The following GPHN variants were observed in gnomAD, a reference collection of about 807,000 sequenced individuals.
GPHN encodes the protein gephyrin.
A neutral mutation model predicts 95.5 loss-of-function variants in GPHN; 17 were observed. That is an observed-to-expected ratio of 0.18 (90% CI 0.12 to 0.27). GPHN has a LOEUF of 0.27. GPHN is among the 10% of genes least tolerant of loss of function. The pLI, the probability that GPHN is intolerant of heterozygous loss-of-function variation, is 1.00. For synonymous variants in GPHN, 320 were observed against 322.5 expected, an observed-to-expected ratio of 0.99 and a Z score of 0.08; for missense variants, 660 against 978.1, an observed-to-expected ratio of 0.67 and a Z score of 4.34.
chr14:67,608,312 T>A, the GPHN span, among the ~76,000 whole-genome samples: 740 of 152,324 alleles, frequency 4.9e-3, 36 homozygotes, highest in East Asian at 0.082. Flanking sequence ...CATTCCCTAA[T>A]CAATACAGGA....
chr14:66,706,846 C>G (rs1196424617), intron 2 of GPHN, among the ~76,000 whole-genome samples: 1 of 151,974 alleles, frequency 6.6e-6, no homozygotes, highest in Non-Finnish European at 1.5e-5. Flanking sequence ...TTCTGCACAG[C>G]AAAAGAAACT....
chr14:66,754,760 A>G (rs561176503), intron 2 of GPHN, among the ~76,000 whole-genome samples: 2 of 152,092 alleles, frequency 1.3e-5, no homozygotes, highest in East Asian at 3.9e-4. Flanking sequence ...TAGCCTTTTG[A>G]CTTTTATAGA....
chr14:66,824,870 T>C (rs1466966955), intron 4 of GPHN, among the ~76,000 whole-genome samples: 3 of 152,192 alleles, frequency 2.0e-5, no homozygotes, highest in Non-Finnish European at 4.4e-5. Context: ...AGCAGAATTC[T>C]GATGGTTAGC....
the GPHN span, among the ~76,000 whole-genome samples, chr14:67,389,773 T>A: frequency 6.8e-6 from 1 of 147,424 alleles, no homozygotes; most frequent in Non-Finnish European, 1.5e-5. Flanking sequence ...AGTGTTTTTT[T>A]TCTTTTTTTT....
chr14:67,555,894 A>C, the GPHN span: 1 of 1,613,184 alleles, frequency 6.2e-7, no homozygotes, highest in East Asian at 2.2e-5. Context: ...CCAGGTAACC[A>C]GGGGAGGGGA....
intron 9 of GPHN, among the ~76,000 whole-genome samples, chr14:67,016,536 TA>T (rs2153621081): frequency 6.6e-6 from 1 of 152,250 alleles, no homozygotes; most frequent in South Asian, 2.1e-4. Flanking sequence ...ATAAAGATTG[TA>T]ATTTCATTTC....
chr14:67,085,803 A>G (rs952831732), intron 11 of GPHN, among the ~76,000 whole-genome samples: 6 of 152,212 alleles, frequency 3.9e-5, no homozygotes, highest in Non-Finnish European at 8.8e-5. Context: ...ACCACCAGCC[A>G]TGTCTAGAAC....
At chr14:67,445,533 TAATTCCCAAGAA>T in the GPHN span, among the ~76,000 whole-genome samples, 3,524 of 143,816 alleles carry the variant, frequency 0.025, 60 homozygotes, top group Non-Finnish European at 0.033. Context: ...AGAGAAATGA[TAATTCCCAAGAA>T]ACAGCCTCAA....
At chr14:67,691,574 G>C in the GPHN span, 1 of 216,888 alleles carries the variant, frequency 4.6e-6, no homozygotes, top group African/African-American at 2.3e-5. Context: ...AGATTCCAAA[G>C]CAAGAGAAAA....
At chr14:67,614,420 G>A in the GPHN span, among the ~76,000 whole-genome samples, 2 of 152,248 alleles carry the variant, frequency 1.3e-5, no homozygotes, top group African/African-American at 4.8e-5. Context: ...TTAGCAGCTT[G>A]CAATTTTTAG....
At chr14:67,198,420 AG>A in the GPHN span, 13 of 1,157,974 alleles carry the variant, frequency 1.1e-5, no homozygotes, top group Admixed American at 2.1e-5. Flanking sequence ...AAATGTGCCG[AG>A]GGAATGTGTG....
intron 10 of GPHN, among the ~76,000 whole-genome samples, chr14:67,043,365 G>A (rs2074820852): frequency 6.6e-6 from 1 of 152,150 alleles, no homozygotes; most frequent in Non-Finnish European, 1.5e-5. Flanking sequence ...TTGGCTGTGG[G>A]CTTGTCATAA....
chr14:66,622,679 G>C (rs1415759628), intron 1 of GPHN, among the ~76,000 whole-genome samples: 1 of 152,134 alleles, frequency 6.6e-6, no homozygotes, highest in East Asian at 1.9e-4. Context: ...AAGTTCCACA[G>C]ATCTCTGGGG....
At chr14:66,592,765 G>C (rs9701813) in intron 1 of GPHN, among the ~76,000 whole-genome samples, 113 of 152,292 alleles carry the variant, frequency 7.4e-4, no homozygotes, top group African/African-American at 2.4e-3. Context: ...TCTAGAACCA[G>C]AAATACCACT....
intron 9 of GPHN, among the ~76,000 whole-genome samples, chr14:67,012,663 A>G (rs17103820): frequency 0.018 from 2,735 of 152,280 alleles, 38 homozygotes; most frequent in African/African-American, 0.037. Context: ...CCTTTATACA[A>G]TGTTGGATAT....
At chr14:67,392,002 C>G in the GPHN span, among the ~76,000 whole-genome samples, 1 of 152,202 alleles carries the variant, frequency 6.6e-6, no homozygotes, top group Non-Finnish European at 1.5e-5. Flanking sequence ...AAACCTCAAG[C>G]CAGTCAGCAA....
the GPHN span, chr14:67,729,856 T>C: frequency 2.2e-6 from 1 of 457,282 alleles, no homozygotes; most frequent in Non-Finnish European, 4.4e-6. Context: ...TAGTGCTGAA[T>C]CTTATCATGA....
At chr14:66,601,726 G>A (rs2062254693) in intron 1 of GPHN, among the ~76,000 whole-genome samples, 1 of 140,994 alleles carries the variant, frequency 7.1e-6, no homozygotes, top group Non-Finnish European at 1.5e-5. Flanking sequence ...CAAATAGTGG[G>A]TGTTTTGTGG....
chr14:67,688,589 C>T, the GPHN span, among the ~76,000 whole-genome samples: 1 of 147,408 alleles, frequency 6.8e-6, no homozygotes, highest in Non-Finnish European at 1.5e-5. Context: ...CTTCCATATG[C>T]TTTGAACTCT....
Sources: allele counts gnomAD v4.1 joint callset (sites outside exome capture counted in the v4.1 genomes callset), GRCh38; gene constraint gnomAD v4.1.1; transcripts MANE v1.5; gene names NCBI Gene and HGNC (gene_info 2026-07-23, HGNC 2026-07-21).